Variants in BANP observed in about 807,000 individuals in gnomAD.
BANP encodes the protein BTG3 associated nuclear protein, also known as protein BANP.
A neutral mutation model predicts 68.1 loss-of-function variants in BANP; 11 were observed. The ratio of observed to expected loss-of-function variants is 0.16; its 90% CI spans 0.10 to 0.27. The LOEUF (loss-of-function observed/expected upper bound fraction) is 0.27. BANP is among the 10% of genes least tolerant of loss of function. BANP has a pLI of 1.00. For synonymous variants in BANP, 329 were observed against 303.2 expected, an observed-to-expected ratio of 1.09 and a Z score of -0.88; for missense variants, 504 against 722.7, an observed-to-expected ratio of 0.70 and a Z score of 3.47.
At chr16:88,026,415 A>G (rs781164753) in intron 7 of BANP, among the ~76,000 whole-genome samples, 80 of 152,234 alleles carry the variant, frequency 5.3e-4, no homozygotes, top group Non-Finnish European at 1.0e-3. Flanking sequence ...GTCCGTTGTC[A>G]TCACTATTTA....
At chr16:88,027,977 C>T (rs2077335779) in intron 8 of BANP, among the ~76,000 whole-genome samples, 1 of 152,222 alleles carries the variant, frequency 6.6e-6, no homozygotes, top group South Asian at 2.1e-4. Context: ...TCACGATTTG[C>T]CGGGTGACTC....
chr16:88,033,465 A>G (rs1831535527), intron 9 of BANP, among the ~76,000 whole-genome samples: 1 of 152,078 alleles, frequency 6.6e-6, no homozygotes, highest in Non-Finnish European at 1.5e-5. Flanking sequence ...ATTGAAGCAC[A>G]TGGTGGGGTG....
intron 1 of BANP, among the ~76,000 whole-genome samples, chr16:87,956,302 A>G (rs2058042783): frequency 6.6e-6 from 1 of 152,208 alleles, no homozygotes; most frequent in African/African-American, 2.4e-5. Context: ...GGGGAAAGTC[A>G]ATTTGAGGGT....
At chr16:88,013,924 A>T (rs2073861264) in intron 6 of BANP, among the ~76,000 whole-genome samples, 1 of 152,212 alleles carries the variant, frequency 6.6e-6, no homozygotes, top group African/African-American at 2.4e-5. Context: ...GGGAACCGGT[A>T]GACTGGGGTG....
At chr16:88,059,800 G>C (rs1474992952) in intron 11 of BANP, among the ~76,000 whole-genome samples, 1 of 152,234 alleles carries the variant, frequency 6.6e-6, no homozygotes, top group Non-Finnish European at 1.5e-5. Context: ...CCCCTCCTCT[G>C]CTCCCTGTGT....
At chr16:88,033,466 TGGTGG>T (rs2078642529) in intron 9 of BANP, among the ~76,000 whole-genome samples, 1 of 152,014 alleles carries the variant, frequency 6.6e-6, no homozygotes, top group Non-Finnish European at 1.5e-5. Context: ...TTGAAGCACA[TGGTGG>T]GGTGGGGCAT....
Position 88,033,113 on chromosome 16 carries a change from G to A in BANP, c.1068G>A (p.Pro356=), listed in dbSNP as rs375289965. ...PNSSSYCPSE[P]MMSTPPPASE... ...TCACACCTGTTGCCCCCACAGAGCC[G>A]ATGATGAGCACCCCACCTCCTGCCA... Residue 356 remains proline (P), a synonymous_variant, in exon 9 of 14, where the codon CCG becomes CCA. Coordinates refer to ENST00000682872, the MANE Select transcript of BANP (RefSeq NM_001386991.1). The A allele has an allele frequency of 7.0e-5, 113 of 1,602,844 alleles. No homozygotes were observed. Among genetic ancestry groups the A allele is most frequent in the Middle Eastern group, 1.7e-4 (1 of 5,938 alleles).
rs2080603887 is a variant in BANP at position 88,040,875 on chromosome 16, GATCA to G, written c.1311+2865_1311+2868del. On this transcript the variant is annotated intron_variant, in intron 11 of 13. Transcript: ENST00000682872. The stretch of plus-strand genomic sequence containing the variant: ...TGGACGCGGCTGTTTTAAGTTCCTA[GATCA>G]CTGAGGATTGGCTTAGTATTCCCTT... Among the ~76,000 whole-genome samples the G allele has an allele frequency of 2.0e-5, 3 of 152,240 alleles. No individual in the cohort carries two copies. The East Asian group carries it at 5.8e-4, about 29-fold the overall frequency.
At chr16:88,005,967 G>A (rs2070948524) in intron 5 of BANP, 123 bp from the exon 6 acceptor site, 2 of 1,148,770 alleles carry the variant, frequency 1.7e-6, no homozygotes, top group Non-Finnish European at 2.6e-6. Flanking sequence ...AGAGCAGTAT[G>A]GGAAGGCTGT....
intron 8 of BANP, among the ~76,000 whole-genome samples, chr16:88,031,895 C>A (rs1250397200): frequency 6.6e-6 from 1 of 150,554 alleles, no homozygotes; most frequent in Non-Finnish European, 1.5e-5. Flanking sequence ...ACCACCTACT[C>A]CCAGGTTCAA....
In BANP at chr16:87,957,885, C is replaced by T. The variant is rs570822218; in HGVS notation, c.-69+6370C>T. Among the ~76,000 whole-genome samples the T allele has an allele frequency of 9.2e-5, 14 of 152,148 alleles. No homozygotes were observed. Among genetic ancestry groups the T allele is most frequent in the Admixed American group, 5.2e-4 (8 of 15,296 alleles). On this transcript the variant is annotated intron_variant, in intron 1 of 13. Transcript: ENST00000682872. The surrounding 1 kb of genome is among the most constrained non-coding windows in gnomAD (Gnocchi z 4.3). ...TGGCCAGGATGCGGACAACCCCTGC[C>T]GCTACGTGTCCTCAAGTGAGCTCAG...
rs1292931077 is a variant in BANP at position 87,957,580 on chromosome 16, C to CT, written c.-69+6066dup. On this transcript the variant is annotated intron_variant, in intron 1 of 13. Transcript: ENST00000682872. The surrounding 1 kb of genome is among the most constrained non-coding windows in gnomAD (Gnocchi z 4.3). ...GCTAGTGACCAGTTACCTTCTGTGT[C>CT]TGAGAGAAGGCCGTTGTGGCCTGTA... is the stretch of plus-strand genomic sequence containing the variant. 1.3e-5 allele frequency among the ~76,000 whole-genome samples: 2 copies of CT among 152,258 alleles called. No individual in the cohort carries two copies. Among genetic ancestry groups the CT allele is most frequent in the Non-Finnish European group, 2.9e-5 (2 of 68,054 alleles).
At chr16:88,063,227 G>A (rs908974933) in intron 11 of BANP, among the ~76,000 whole-genome samples, 3 of 152,186 alleles carry the variant, frequency 2.0e-5, no homozygotes, top group Admixed American at 6.5e-5. Context: ...TGCTGACCCC[G>A]GTTCCCTTAT....
At chr16:88,033,613 G>T (rs2078680013) in intron 9 of BANP, among the ~76,000 whole-genome samples, 1 of 152,222 alleles carries the variant, frequency 6.6e-6, no homozygotes, top group Non-Finnish European at 1.5e-5. Flanking sequence ...CAGAAGTGCA[G>T]GCGCTCTCTT....
intron 11 of BANP, among the ~76,000 whole-genome samples, chr16:88,055,030 TAATC>T (rs1239681388): frequency 6.6e-6 from 1 of 152,212 alleles, no homozygotes; most frequent in Admixed American, 6.5e-5. Context: ...GCTTGATTAT[TAATC>T]ATGCTGCTTA....
rs1489105858 is a variant in BANP, at chr16:88,027,774, G to T, written c.1063+124G>T. The T allele has an allele frequency of 1.7e-5, 21 of 1,201,104 alleles. No homozygotes were observed. The East Asian group carries it at 2.0e-4, about 11-fold the overall frequency. 74.4% of individuals were successfully genotyped at this position (1,201,104 alleles called of 1,614,324 possible). On this transcript the variant is annotated intron_variant, in intron 8 of 13. Transcript: ENST00000682872. The stretch of plus-strand genomic sequence containing the variant: ...CAGTGGCCGGGAGCCGAGGCCAGAG[G>T]CTTGCGCGGTGCGCACGGAGCAGTG...
intron 5 of BANP, among the ~76,000 whole-genome samples, chr16:88,005,098 C>T (rs1263580215): frequency 2.0e-5 from 3 of 152,218 alleles, no homozygotes; most frequent in Non-Finnish European, 2.9e-5. Flanking sequence ...AGCTTCGTCC[C>T]CTTTCTGTAT....
In BANP at chr16:88,073,709, G is replaced by A. The variant is rs2090962328; in HGVS notation, c.1521+1497G>A. On this transcript the variant is annotated intron_variant, in intron 13 of 13. Transcript: ENST00000682872. ...CCGTGCCGTTCCAGATAGGAGCGCT[G>A]CAGGAGGGCAGTGAGGTCCGCGCCC... is the stretch of plus-strand genomic sequence containing the variant. 2.2e-4 allele frequency among the ~76,000 whole-genome samples: 34 copies of A among 152,218 alleles called. 2 individuals are homozygous for A. The highest frequency in any genetic ancestry group is 2.2e-3 in the Admixed American group (34 of 15,288).
chr16:88,037,774 TTAAAA>T (rs2079721363), intron 10 of BANP, 194 bp from the exon 11 acceptor site: 3 of 608,098 alleles, frequency 4.9e-6, no homozygotes, highest in East Asian at 5.6e-5. Flanking sequence ...TTGTTCATCT[TTAAAA>T]TAATAAATAG....
Sources: gnomAD v4.1 joint callset for allele counts (sites outside exome capture counted in the v4.1 genomes callset) on GRCh38, gnomAD v4.1.1 for gene constraint, Gnocchi (gnomAD v3.1) non-coding constraint, MANE v1.5 for transcripts, NCBI Gene and HGNC (gene_info 2026-07-23, HGNC 2026-07-21) for gene names.